ATL2: variants seen among roughly 807,000 people sequenced by gnomAD.
ATL2 encodes the protein atlastin-2.
ATL2 carries 31 observed loss-of-function variants against 73.9 expected under a neutral mutation model. The observed-to-expected ratio is 0.42, with a 90% confidence interval of 0.32 to 0.57. The LOEUF is 0.57. ATL2 is among the 20% of genes least tolerant of loss of function. The pLI, the probability that ATL2 is intolerant of heterozygous loss-of-function variation, is 0.14. For missense variants in ATL2, 738 were observed against 702.6 expected, an observed-to-expected ratio of 1.05 and a Z score of -0.57; for synonymous variants, 291 against 237.5, an observed-to-expected ratio of 1.23 and a Z score of -2.07.
At chr2:38,300,025 A>T (rs1041468208) in intron 10 of ATL2, among the ~76,000 whole-genome samples, 1 of 152,194 alleles carries the variant, frequency 6.6e-6, no homozygotes, top group African/African-American at 2.4e-5. Flanking sequence ...TACTTTGAGC[A>T]TCTGAAGAGA....
intron 1 of ATL2, chr2:38,376,427 T>C (rs78308534): frequency 0.01 from 3,630 of 355,950 alleles, 76 homozygotes; most frequent in East Asian, 0.074. Flanking sequence ...GGCCTTACTA[T>C]CGTCCAAGTG....
Position 38,356,944 on chromosome 2 carries a change from C to T in ATL2, c.119-13432G>A, listed in dbSNP as rs144394637. Among the ~76,000 whole-genome samples the T allele has an allele frequency of 1.7e-3, 263 of 152,200 alleles. 3 individuals carry two copies. Among genetic ancestry groups the T allele is most frequent in the African/African-American group, 6.1e-3 (254 of 41,528 alleles). Reference sequence around the variant, plus strand: ...AATCAGATGTTTAAACAGTATTTTACGACAGGTTTTTTAATTCAAAAAACT... The same window carrying T: ...AATCAGATGTTTAAACAGTATTTTATGACAGGTTTTTTAATTCAAAAAACT... On this transcript the variant is annotated intron_variant, in intron 1 of 12. Coordinates refer to ENST00000378954, the MANE Select transcript of ATL2 (RefSeq NM_001135673.4).
At chr2:38,348,985 A>G in intron 1 of ATL2, among the ~76,000 whole-genome samples, 1 of 152,048 alleles carries the variant, frequency 6.6e-6, no homozygotes, top group African/African-American at 2.4e-5. Flanking sequence ...ACCATCTCAC[A>G]CCAGTTAGAA....
chr2:38,314,294 TA>T (rs990953734), intron 6 of ATL2, among the ~76,000 whole-genome samples: 17 of 149,536 alleles, frequency 1.1e-4, no homozygotes, highest in African/African-American at 2.7e-4. Flanking sequence ...TTACCACGTA[TA>T]AAAAAAAAAT....
Position 38,325,627 on chromosome 2 carries a change from TACAC to T in ATL2, c.364-6612_364-6609del, listed in dbSNP as rs768444431. Among the ~76,000 whole-genome samples, 436 of 53,276 alleles carry T rather than the reference TACAC, an allele frequency of 8.2e-3. 9 individuals are homozygous for T. The highest frequency in any genetic ancestry group is 0.015 in the Middle Eastern group (1 of 66). The allele number at this position is 53,276 out of a possible 152,430, so 35.0% of individuals were successfully genotyped here. A position where few individuals can be genotyped will look rare whatever the true frequency, so the allele number is the denominator to read the frequency against. On this transcript the variant is annotated intron_variant, in intron 2 of 12. Coordinates refer to ENST00000378954, the MANE Select transcript of ATL2 (RefSeq NM_001135673.4). ...CACTATCTACACACACACCAGTACATACACACACACACACACACACACACACACA... is the reference window on the plus strand; with the variant it reads ...CACTATCTACACACACACCAGTACATACACACACACACACACACACACACA...
At chr2:38,332,980 C>T (rs925144935) in intron 2 of ATL2, among the ~76,000 whole-genome samples, 4 of 152,070 alleles carry the variant, frequency 2.6e-5, no homozygotes, top group Non-Finnish European at 4.4e-5. Context: ...TTGCTTGAGA[C>T]CAGGAGTTCA....
At chr2:38,302,346 C>T (rs572225854) in intron 9 of ATL2, among the ~76,000 whole-genome samples, 32 of 152,134 alleles carry the variant, frequency 2.1e-4, no homozygotes, top group African/African-American at 7.7e-4. Context: ...GTAATCCCAG[C>T]AATTTGGGAG....
At chr2:38,299,151 A>G in intron 11 of ATL2, 105 bp downstream of exon 11, 1 of 1,064,332 alleles carries the variant, frequency 9.4e-7, no homozygotes. Flanking sequence ...ATGTACCATA[A>G]GCTGCACAAA....
At chr2:38,309,283 T>A (rs1184856129) in intron 9 of ATL2, 96 bp downstream of exon 9, 4 of 1,217,632 alleles carry the variant, frequency 3.3e-6, no homozygotes, top group Non-Finnish European at 4.4e-6. Flanking sequence ...CTCTTTTTTG[T>A]TTTAAAATAA....
intron 2 of ATL2, among the ~76,000 whole-genome samples, chr2:38,342,691 G>C (rs369029011): frequency 5.3e-5 from 8 of 152,148 alleles, no homozygotes; most frequent in East Asian, 3.9e-4. Flanking sequence ...CAAAAGGAAA[G>C]TGTGAAGAAG....
intron 1 of ATL2, among the ~76,000 whole-genome samples, chr2:38,345,551 T>C (rs1023303478): frequency 6.6e-6 from 1 of 152,170 alleles, no homozygotes; most frequent in African/African-American, 2.4e-5. Context: ...CAAAGGAGAA[T>C]CTTTGAAAGT....
At chr2:38,327,371 C>G (rs1668722818) in intron 2 of ATL2, among the ~76,000 whole-genome samples, 1 of 151,952 alleles carries the variant, frequency 6.6e-6, no homozygotes. Flanking sequence ...AGTATAATAT[C>G]TGAAAGTGGA....
intron 1 of ATL2, 109 bp from the exon 2 acceptor site, chr2:38,343,621 CA>C: frequency 1.2e-6 from 1 of 840,264 alleles, no homozygotes; most frequent in Non-Finnish European, 1.9e-6. Flanking sequence ...CCCCTCCCCC[CA>C]TTATAGATCA....
At chr2:38,347,811 G>C (rs1030830264) in intron 1 of ATL2, among the ~76,000 whole-genome samples, 1 of 148,702 alleles carries the variant, frequency 6.7e-6, no homozygotes, top group Non-Finnish European at 1.5e-5. Flanking sequence ...CTGTCACCCA[G>C]GCTGGAGTGC....
intron 1 of ATL2, among the ~76,000 whole-genome samples, chr2:38,360,704 A>G (rs900106574): frequency 3.3e-5 from 5 of 152,188 alleles, no homozygotes; most frequent in African/African-American, 1.2e-4. Flanking sequence ...AAGACCAAAA[A>G]AAAGGGTCTT....
intron 1 of ATL2, among the ~76,000 whole-genome samples, chr2:38,348,413 C>T (rs140023372): frequency 3.6e-4 from 54 of 151,728 alleles, no homozygotes; most frequent in African/African-American, 1.2e-3. Flanking sequence ...TTGCGGTGAG[C>T]CAAGATTGCG....
In ATL2 at chr2:38,296,426, T is replaced by A. The variant is rs1426131636; in HGVS notation, c.1633-313A>T. On this transcript the variant is annotated intron_variant, in intron 12 of 12. Transcript: ENST00000378954. ...GACCGGCCCAGACGGTCCTGCTTAT[T>A]GTCCTACATGTGTAAGTGTGAACAC... is the stretch of plus-strand genomic sequence containing the variant. The A allele has an allele frequency of 6.4e-6, 10 of 1,552,746 alleles. No homozygotes were observed. In the East Asian group the frequency reaches 2.4e-4, roughly 37 times the overall value.
At position 38,298,339 on chromosome 2, in the gene ATL2, A is replaced by G. The variant is rs765207502; in HGVS notation, c.1437T>C (p.Phe479=). 3 of 1,614,108 alleles carry G rather than the reference A, an allele frequency of 1.9e-6. No individual in the cohort carries two copies. In the Admixed American group the frequency reaches 5.0e-5, roughly 27 times the overall value. The change falls in exon 12 of 13, where the codon TTT becomes TTC. Residue 479 remains phenylalanine (F), a synonymous_variant. Transcript: ENST00000378954. ...FYAARTPATL[F]AVMFAMYIIS... ...TTATATACATAGCAAACATGACCGC[A>G]AACAGTGTGGCTGGGGTACGAGCAG...
chr2:38,352,219 T>C (rs1670398398), intron 1 of ATL2, among the ~76,000 whole-genome samples: 1 of 143,900 alleles, frequency 6.9e-6, no homozygotes, highest in Non-Finnish European at 1.5e-5. Flanking sequence ...TCACCCCCAA[T>C]TCTATTTTGC....
Sources: gnomAD v4.1 joint callset for allele counts (sites outside exome capture counted in the v4.1 genomes callset) on GRCh38, gnomAD v4.1.1 for gene constraint, MANE v1.5 for transcripts, NCBI Gene and HGNC (gene_info 2026-07-23, HGNC 2026-07-21) for gene names.